Variants in UBE4B observed in about 807,000 individuals in gnomAD.
UBE4B encodes the protein ubiquitination factor E4B, also known as ubiquitin conjugation factor E4 B.
A neutral mutation model predicts 148.1 loss-of-function variants in UBE4B; 27 were observed. The observed-to-expected ratio is 0.18, with a 90% CI of 0.13 to 0.25. The LOEUF is 0.25. Ranked by LOEUF, UBE4B falls within the 10% of genes least tolerant of loss-of-function variation. The probability of loss-of-function intolerance (pLI) is 1.00; values close to 1 mark genes in which losing one functional copy is unlikely to be tolerated. For missense variants in UBE4B, 1,170 were observed against 1,662.4 expected, an observed-to-expected ratio of 0.70 and a Z score of 5.15; for synonymous variants, 596 against 619.3, an observed-to-expected ratio of 0.96 and a Z score of 0.56.
Position 10,171,225 on chromosome 1 carries a change from C to G in UBE4B, c.3421C>G (p.Pro1141Ala). Residue 1141 changes from proline (P) to alanine (A), a missense_variant, in exon 25 of 28, where the codon CCT becomes GCT. Physicochemically the swap from Pro to Ala is conservative, Grantham distance 27. This residue lies in a region of UBE4B where 348 missense variants were observed against 627.2 expected (regional missense o/e 0.55). Transcript: ENST00000343090. ...GTGCCGTGACCTGAAAGTTGAAAAC[C>G]CTGAGAAATACGGCTTTGAACCAAA... ...PKCRDLKVEN[P>A]EKYGFEPKKL... is the part of the protein sequence containing the mutation. 1 of 1,614,154 alleles carries G rather than the reference C, an allele frequency of 6.2e-7. No individual in the cohort carries two copies. Among genetic ancestry groups the G allele is most frequent in the Non-Finnish European group, 8.5e-7 (1 of 1,180,022 alleles).
intron 24 of UBE4B, among the ~76,000 whole-genome samples, chr1:10,169,229 G>A (rs1646301615): frequency 6.6e-6 from 1 of 152,234 alleles, no homozygotes; most frequent in South Asian, 2.1e-4. Flanking sequence ...TAGTGAGGAA[G>A]GCAAGACGGG....
intron 14 of UBE4B, 135 bp downstream of exon 14, chr1:10,130,948 T>G: frequency 1.4e-6 from 1 of 725,908 alleles, no homozygotes; most frequent in Non-Finnish European, 2.3e-6. Flanking sequence ...ATAAAAAAGA[T>G]AAACTATAAG....
In UBE4B at chr1:10,122,084, C is replaced by T. The variant is rs772384198; in HGVS notation, c.1554+8C>T. 4 of 1,592,144 alleles carry T rather than the reference C, an allele frequency of 2.5e-6. No individual in the cohort carries two copies. The East Asian group carries it at 6.7e-5, about 27-fold the overall frequency. Reference sequence around the variant, plus strand: ...GAAGAAGTGTTCAAGCAGGTACGGTCGTATGAGTTTGCTCTTGCAAATTTT... The same window carrying T: ...GAAGAAGTGTTCAAGCAGGTACGGTTGTATGAGTTTGCTCTTGCAAATTTT... On this transcript the variant is annotated splice_region_variant and intron_variant, in intron 10 of 27. Coordinates refer to ENST00000343090, the MANE Select transcript of UBE4B (RefSeq NM_001105562.3).
intron 2 of UBE4B, among the ~76,000 whole-genome samples, chr1:10,077,111 A>G (rs1490484065): frequency 2.0e-5 from 3 of 152,094 alleles, no homozygotes; most frequent in Non-Finnish European, 2.9e-5. Context: ...CAACCTATCA[A>G]AAACTTTTGA....
In UBE4B at chr1:10,067,642, G is replaced by A. The variant is rs6679112; in HGVS notation, c.25-4386G>A. ...ACACTTTTTTTTTTTTTTGAGACCC[G>A]GCTCTCACCGGGTTGCACAGACTGG... On this transcript the variant is annotated intron_variant, in intron 1 of 27. Transcript: ENST00000343090. Among the ~76,000 whole-genome samples, 699 of 149,618 alleles carry A rather than the reference G, an allele frequency of 4.7e-3. 4 individuals carry two copies. Among genetic ancestry groups the A allele is most frequent in the Middle Eastern group, 0.01 (3 of 294 alleles).
At chr1:10,174,482 C>G (rs932922565) in intron 25 of UBE4B, among the ~76,000 whole-genome samples, 29 of 151,526 alleles carry the variant, frequency 1.9e-4, no homozygotes, top group African/African-American at 7.0e-4. Context: ...GGGCAGATCA[C>G]CTGAGGTCAG....
Position 10,033,478 on chromosome 1 carries a change from G to T in UBE4B, c.-193G>T, listed in dbSNP as rs1356499400. 8.3e-6 allele frequency: 4 copies of T among 480,128 alleles called. No homozygotes were observed. In the South Asian group the frequency reaches 2.3e-4, roughly 27 times the overall value. 29.7% of individuals were successfully genotyped at this position (480,128 alleles called of 1,614,324 possible). A position where few individuals can be genotyped will look rare whatever the true frequency, so the allele number is the denominator to read the frequency against. ...GCTGTAGTAGTCTGTGGGGCGACTG[G>T]AGTGACCGAAGCCAAGGCAGTTTAG... On this transcript the variant is annotated 5_prime_UTR_variant, in exon 1 of 28. Transcript: ENST00000343090.
chr1:10,045,091 T>C (rs1349212359), intron 1 of UBE4B, among the ~76,000 whole-genome samples: 1 of 152,136 alleles, frequency 6.6e-6, no homozygotes, highest in African/African-American at 2.4e-5. Context: ...CAGAACTCAA[T>C]GTAGGGTTCA....
intron 14 of UBE4B, 76 bp from the exon 15 acceptor site, chr1:10,132,293 G>C: frequency 9.1e-7 from 1 of 1,092,950 alleles, no homozygotes; most frequent in Non-Finnish European, 1.3e-6. Flanking sequence ...AAGTAGGCTA[G>C]CTGTTCGTGA....
At chr1:10,179,200 C>T (rs1646470554) in intron 26 of UBE4B, 2 of 587,316 alleles carry the variant, frequency 3.4e-6, no homozygotes, top group African/African-American at 3.7e-5. Context: ...TGTTCCCTCC[C>T]CCCAGCAGTA....
intron 19 of UBE4B, among the ~76,000 whole-genome samples, chr1:10,148,924 A>T (rs1221723959): frequency 6.6e-6 from 1 of 152,152 alleles, no homozygotes; most frequent in African/African-American, 2.4e-5. Flanking sequence ...TGGGTGACAG[A>T]GTGAGACTCC....
chr1:10,119,496 C>T lies in UBE4B; in HGVS notation c.1339-17C>T. On this transcript the variant is annotated splice_polypyrimidine_tract_variant and intron_variant, in intron 8 of 27. Transcript: ENST00000343090. ...TGTTTGTTTCTTGTCGTCCTCACTT[C>T]CACCTTTCCTTTTCAGATGTGCAGC... 2.5e-6 allele frequency: 4 copies of T among 1,612,662 alleles called. No individual in the cohort carries two copies. Among genetic ancestry groups the T allele is most frequent in the Non-Finnish European group, 1.7e-6 (2 of 1,179,004 alleles).
chr1:10,037,301 ACAGG>A (rs1443593505), intron 1 of UBE4B, among the ~76,000 whole-genome samples: 1 of 152,180 alleles, frequency 6.6e-6, no homozygotes, highest in Non-Finnish European at 1.5e-5. Flanking sequence ...TGCTGGGATT[ACAGG>A]CATGAGCCAC....
At chr1:10,079,418 C>G (rs1193339090) in intron 2 of UBE4B, among the ~76,000 whole-genome samples, 1 of 152,062 alleles carries the variant, frequency 6.6e-6, no homozygotes, top group Non-Finnish European at 1.5e-5. Context: ...CATTGGCCTC[C>G]CAAAGTGCTG....
intron 2 of UBE4B, among the ~76,000 whole-genome samples, chr1:10,094,723 C>T (rs557748595): frequency 5.9e-5 from 9 of 151,996 alleles, no homozygotes; most frequent in Non-Finnish European, 7.4e-5. Context: ...TGTGAGCCAC[C>T]ACACCCAGCC....
At position 10,145,657 on chromosome 1, in the gene UBE4B, C is replaced by T. The variant is rs79780579; in HGVS notation, c.2463+618C>T. On this transcript the variant is annotated intron_variant, in intron 18 of 27. Transcript: ENST00000343090. The stretch of plus-strand genomic sequence containing the variant: ...CTCTCCTTCCCTGCCTTATGCAGGG[C>T]CCTCCTCACCTGCTGTCTCCCACCC... 1,321 of 152,328 alleles carry T rather than the reference C, an allele frequency of 8.7e-3. 10 individuals are homozygous for T. Among genetic ancestry groups the T allele is most frequent in the African/African-American group, 0.019 (809 of 41,550 alleles). 9.4% of individuals were successfully genotyped at this position (152,328 alleles called of 1,614,324 possible).
rs371519935 is a variant in UBE4B at position 10,033,631 on chromosome 1, G to A, written c.-40G>A. The A allele has an allele frequency of 6.6e-7, 1 of 1,516,768 alleles. No homozygotes were observed. The highest frequency in any genetic ancestry group is 8.8e-7 in the Non-Finnish European group (1 of 1,130,920). 94.0% of individuals were successfully genotyped at this position (1,516,768 alleles called of 1,614,324 possible). On this transcript the variant is annotated 5_prime_UTR_variant, in exon 1 of 28. Transcript: ENST00000343090. The stretch of plus-strand genomic sequence containing the variant: ...TCCCGCCGTGGTCTCGAGAACAGAA[G>A]GATCTCTCCTTAACGCCTTTCACCA...
At chr1:10,049,011 A>G (rs994931862) in intron 1 of UBE4B, among the ~76,000 whole-genome samples, 2 of 152,202 alleles carry the variant, frequency 1.3e-5, no homozygotes, top group Non-Finnish European at 2.9e-5. Flanking sequence ...ATATATTTGT[A>G]TATCATTCCT....
At chr1:10,069,176 G>A (rs1644442427) in intron 1 of UBE4B, among the ~76,000 whole-genome samples, 1 of 152,136 alleles carries the variant, frequency 6.6e-6, no homozygotes, top group African/African-American at 2.4e-5. Context: ...GCTGAACTTG[G>A]CATTGAGGTT....
Sources: allele counts gnomAD v4.1 joint callset (sites outside exome capture counted in the v4.1 genomes callset), GRCh38; gene constraint gnomAD v4.1.1; regional missense constraint gnomAD v4.1.1; transcripts MANE v1.5; gene names NCBI Gene and HGNC (gene_info 2026-07-23, HGNC 2026-07-21).